The following CREB5 variants were observed in gnomAD, a reference collection of about 807,000 sequenced individuals.
CREB5 encodes cyclic AMP-responsive element-binding protein 5.
CREB5 carries 19 observed loss-of-function variants against 57.1 expected under a neutral mutation model. The observed-to-expected ratio is 0.33, with a 90% CI of 0.23 to 0.49. The LOEUF (loss-of-function observed/expected upper bound fraction) is 0.49. Among genes scored for constraint, CREB5 ranks in the 20% least tolerant of loss-of-function variants. The pLI, the probability that CREB5 is intolerant of heterozygous loss-of-function variation, is 0.99. For missense variants in CREB5, 579 were observed against 671.6 expected (o/e 0.86, Z 1.52); for synonymous variants, 238 against 238.3 (o/e 1.00, Z 0.01).
intron 1 of CREB5, among the ~76,000 whole-genome samples, chr7:28,320,504 G>T (rs1185213642): frequency 1.3e-5 from 2 of 152,168 alleles, no homozygotes. Context: ...CTTCCCCTTT[G>T]CTGAATTGCA....
intron 1 of CREB5, among the ~76,000 whole-genome samples, chr7:28,455,551 C>T (rs1562728243): frequency 6.6e-6 from 1 of 152,166 alleles, no homozygotes; most frequent in East Asian, 1.9e-4. Flanking sequence ...CAGGTAGTGG[C>T]AAGAGATTCA....
intron 4 of CREB5, among the ~76,000 whole-genome samples, chr7:28,550,408 G>A (rs909115218): frequency 6.6e-6 from 1 of 152,184 alleles, no homozygotes; most frequent in Non-Finnish European, 1.5e-5. Context: ...ATTGGGAATT[G>A]GGAATGGAGC....
chr7:28,620,089 A>G (rs1432194889), intron 5 of CREB5, among the ~76,000 whole-genome samples: 1 of 152,200 alleles, frequency 6.6e-6, no homozygotes, highest in Non-Finnish European at 1.5e-5. Flanking sequence ...CAAAATAATA[A>G]TTTTTAAAAC....
chr7:28,559,855 T>C (rs1795012198), intron 4 of CREB5, among the ~76,000 whole-genome samples: 1 of 152,152 alleles, frequency 6.6e-6, no homozygotes, highest in Non-Finnish European at 1.5e-5. Flanking sequence ...GATTGTACAG[T>C]GAACTGGAAA....
intron 1 of CREB5, among the ~76,000 whole-genome samples, chr7:28,384,093 G>A (rs1040826564): frequency 1.3e-5 from 2 of 152,148 alleles, no homozygotes; most frequent in Non-Finnish European, 2.9e-5. Flanking sequence ...GGCCATCTGA[G>A]CTGAGTGCTT....
At chr7:28,382,818 C>G (rs139768981) in intron 1 of CREB5, among the ~76,000 whole-genome samples, 1 of 151,708 alleles carries the variant, frequency 6.6e-6, no homozygotes, top group African/African-American at 2.4e-5. Flanking sequence ...AGAGGAGATA[C>G]GAGATCAAGA....
chr7:28,489,549 C>T (rs1468863771), intron 2 of CREB5, among the ~76,000 whole-genome samples: 1 of 152,054 alleles, frequency 6.6e-6, no homozygotes, highest in Non-Finnish European at 1.5e-5. Flanking sequence ...GATCCGCCTG[C>T]CTCGGCCTCC....
intron 4 of CREB5, among the ~76,000 whole-genome samples, chr7:28,520,034 G>A (rs1012777077): frequency 6.6e-6 from 1 of 152,208 alleles, no homozygotes; most frequent in African/African-American, 2.4e-5. Flanking sequence ...AGGGAAAATA[G>A]GAATGGTGCT....
intron 4 of CREB5, among the ~76,000 whole-genome samples, chr7:28,556,797 G>A (rs958321003): frequency 1.3e-5 from 2 of 152,144 alleles, no homozygotes; most frequent in Non-Finnish European, 2.9e-5. Context: ...TGGGCATATG[G>A]CTATGGAGGC....
chr7:28,364,592 C>T (rs1236987773), intron 1 of CREB5, among the ~76,000 whole-genome samples: 2 of 152,182 alleles, frequency 1.3e-5, no homozygotes, highest in Non-Finnish European at 1.5e-5. Flanking sequence ...CAGACCCCCT[C>T]CAGTGTTCTT....
At chr7:28,354,948 G>A (rs1351021638) in intron 1 of CREB5, among the ~76,000 whole-genome samples, 1 of 152,220 alleles carries the variant, frequency 6.6e-6, no homozygotes, top group South Asian at 2.1e-4. Flanking sequence ...CTGGGTTTCA[G>A]ATGACAGCAT....
intron 4 of CREB5, among the ~76,000 whole-genome samples, chr7:28,563,908 C>T (rs1268828751): frequency 3.9e-5 from 6 of 152,054 alleles, no homozygotes; most frequent in African/African-American, 7.3e-5. Flanking sequence ...TCCATGTGTC[C>T]TCTGATACCT....
chr7:28,660,282 C>T (rs1441347469), intron 5 of CREB5, among the ~76,000 whole-genome samples: 1 of 151,700 alleles, frequency 6.6e-6, no homozygotes, highest in African/African-American at 2.4e-5. Flanking sequence ...ACCACGTGTT[C>T]TTAGAAAGCA....
chr7:28,631,869 A>G (rs1205196680), intron 5 of CREB5, among the ~76,000 whole-genome samples: 1 of 152,164 alleles, frequency 6.6e-6, no homozygotes, highest in Non-Finnish European at 1.5e-5. Context: ...GTGTCTCGGA[A>G]GAGAATGTGT....
At chr7:28,716,519 T>C (rs1802697690) in intron 5 of CREB5, among the ~76,000 whole-genome samples, 1 of 152,220 alleles carries the variant, frequency 6.6e-6, no homozygotes, top group South Asian at 2.1e-4. Context: ...GATGGATAGA[T>C]GGATGATTAG....
chr7:28,635,678 T>C (rs1193773830), intron 5 of CREB5, among the ~76,000 whole-genome samples: 1 of 152,244 alleles, frequency 6.6e-6, no homozygotes, highest in East Asian at 1.9e-4. Context: ...ATCATCTATC[T>C]ATGTTAATTT....
intron 5 of CREB5, among the ~76,000 whole-genome samples, chr7:28,656,213 CT>C (rs1799327927): frequency 6.6e-6 from 1 of 152,078 alleles, no homozygotes; most frequent in Admixed American, 6.6e-5. Context: ...CTAGAATCTA[CT>C]TGAACACAAA....
intron 5 of CREB5, among the ~76,000 whole-genome samples, chr7:28,706,272 C>T (rs1455278852): frequency 1.3e-5 from 2 of 152,126 alleles, no homozygotes; most frequent in African/African-American, 4.8e-5. Context: ...AGGAGAATTG[C>T]TTGAACCTGG....
At chr7:28,335,291 G>A (rs1416780177) in intron 1 of CREB5, among the ~76,000 whole-genome samples, 3 of 151,894 alleles carry the variant, frequency 2.0e-5, no homozygotes, top group African/African-American at 4.8e-5. Flanking sequence ...TTTGTAATAC[G>A]AACATTTTAA....
Sources: allele counts gnomAD v4.1 joint callset (sites outside exome capture counted in the v4.1 genomes callset), GRCh38; gene constraint gnomAD v4.1.1; transcripts MANE v1.5; gene names NCBI Gene and HGNC (gene_info 2026-07-23, HGNC 2026-07-21).